The following ARHGAP1 variants were observed in gnomAD, a reference collection of about 807,000 sequenced individuals.
The protein encoded by ARHGAP1 is rho GTPase-activating protein 1.
ARHGAP1 carries 23 observed loss-of-function variants against 52.2 expected under a neutral mutation model. That is an observed-to-expected ratio of 0.44 (90% CI 0.32 to 0.62). The LOEUF is 0.62. ARHGAP1 is among the 20% of genes least tolerant of loss of function. ARHGAP1 has a pLI of 0.05. For synonymous variants in ARHGAP1, 210 were observed against 228.4 expected, an observed-to-expected ratio of 0.92 and a Z score of 0.73; for missense variants, 480 against 560.9, an observed-to-expected ratio of 0.86 and a Z score of 1.46.
rs200224571 is a variant in ARHGAP1 at position 46,680,709 on chromosome 11, G to T, written c.674C>A (p.Ala225Glu). The part of the protein sequence containing the change: ...DFLKSTQKSP[A>E]TAPKPMPPRP... ...TGGGGGCATGGGCTTGGGGGCTGTCGCGGGGCTCTTCTGTGTGGATTTCAG... is the reference window on the plus strand; with the variant it reads ...TGGGGGCATGGGCTTGGGGGCTGTCTCGGGGCTCTTCTGTGTGGATTTCAG... Residue 225 changes from alanine to glutamate, a missense_variant, in exon 8 of 13, where the codon GCG (alanine) becomes GAG (glutamate). Coordinates refer to ENST00000311956, the MANE Select transcript of ARHGAP1 (RefSeq NM_004308.5). This position sits in a 1 kb window ranked among gnomAD's most constrained non-coding sequence, Gnocchi z 5.9. 4 of 1,580,032 alleles carry T rather than the reference G, an allele frequency of 2.5e-6. No individual in the cohort carries two copies. Among genetic ancestry groups the T allele is most frequent in the Non-Finnish European group, 3.4e-6 (4 of 1,162,960 alleles).
At chr11:46,687,316 G>T (rs1458005630) in intron 4 of ARHGAP1, 1 of 152,286 alleles carries the variant, frequency 6.6e-6, no homozygotes, top group Non-Finnish European at 1.5e-5. Context: ...GCCCTGGCTT[G>T]CCAGGACTGG....
intron 3 of ARHGAP1, among the ~76,000 whole-genome samples, chr11:46,688,473 T>TAA (rs1035164375): frequency 6.6e-6 from 1 of 150,596 alleles, no homozygotes; most frequent in Non-Finnish European, 1.5e-5. Context: ...GCTGGGGTAT[T>TAA]AAAAAAAAAG....
intron 4 of ARHGAP1, among the ~76,000 whole-genome samples, chr11:46,683,584 T>C (rs1250499019): frequency 6.6e-6 from 1 of 151,520 alleles, no homozygotes. Context: ...ACACTGAGAG[T>C]TATGGATGGA....
chr11:46,698,022 A>G (rs1036945265), intron 1 of ARHGAP1, among the ~76,000 whole-genome samples: 41 of 152,250 alleles, frequency 2.7e-4, no homozygotes, highest in African/African-American at 8.7e-4. Flanking sequence ...TACCCTTTCT[A>G]TTCAGCCTGT....
chr11:46,692,713 A>T (rs1268703053), intron 3 of ARHGAP1, among the ~76,000 whole-genome samples: 4 of 151,894 alleles, frequency 2.6e-5, no homozygotes, highest in African/African-American at 4.8e-5. Context: ...TTTTTGAGAC[A>T]GTCTCGCTCT....
In ARHGAP1 at chr11:46,687,687, C is replaced by T. The variant is rs56164188; in HGVS notation, c.317+486G>A. ...AGACATGAATCAGGACATGTCTGGA[C>T]CGGCCAGAGCTATTACATATGTTTG... On this transcript the variant is annotated intron_variant, in intron 4 of 12. Coordinates refer to ENST00000311956, the MANE Select transcript of ARHGAP1 (RefSeq NM_004308.5). The T allele has an allele frequency of 3.8e-3, 583 of 154,088 alleles. 3 individuals are homozygous for T. Among genetic ancestry groups the T allele is most frequent in the Non-Finnish European group, 6.1e-3 (424 of 69,274 alleles). The allele number at this position is 154,088 out of a possible 1,614,324, so 9.5% of individuals were successfully genotyped here.
rs1399943428 is a variant in ARHGAP1 at position 46,681,567 on chromosome 11, AG to A, written c.450-189del. 7 of 547,292 alleles carry A rather than the reference AG, an allele frequency of 1.3e-5. No homozygotes were observed. The highest frequency in any genetic ancestry group is 3.2e-5 in the Admixed American group (1 of 31,650). 33.9% of individuals were successfully genotyped at this position (547,292 alleles called of 1,614,324 possible). On this transcript the variant is annotated intron_variant, in intron 5 of 12. Transcript: ENST00000311956. The surrounding 1 kb of genome is among the most constrained non-coding windows in gnomAD (Gnocchi z 5.7). ...TCCTGCCTCAGCCTCCTGAGTAACT[AG>A]GATTACAGGCACCCACCACCACACC...
rs560291112 is a variant in ARHGAP1 at position 46,696,562 on chromosome 11, A to T, written c.-49-406T>A. On this transcript the variant is annotated intron_variant, in intron 1 of 12. Transcript: ENST00000311956. The surrounding 1 kb of genome is among the most constrained non-coding windows in gnomAD (Gnocchi z 4.8). ...CAGGCTCTAGCAGTTACAGGGGTAG[A>T]AATGTTGTAAGAATCTAAGGAACAT... Among the ~76,000 whole-genome samples, 12 of 152,350 alleles carry T rather than the reference A, an allele frequency of 7.9e-5. No homozygotes were observed. The South Asian group carries it at 2.5e-3, about 32-fold the overall frequency.
chr11:46,696,012 G>A lies in ARHGAP1; in HGVS notation c.96C>T (p.Asn32=). ...AGTCAGGCATTTCATCCGAGGGCCA[G>A]TTCTTCTCATCGATGGAGGCCAGCT... The part of the protein sequence containing the change: ...QLKLASIDEK[N]WPSDEMPDFP... Residue 32 remains asparagine (N), a synonymous_variant, in exon 2 of 13, where the codon AAC becomes AAT. Coordinates refer to ENST00000311956, the MANE Select transcript of ARHGAP1 (RefSeq NM_004308.5). This position sits in a 1 kb window ranked among gnomAD's most constrained non-coding sequence, Gnocchi z 4.8. 1 of 1,614,222 alleles carries A rather than the reference G, an allele frequency of 6.2e-7. No homozygotes were observed. Among genetic ancestry groups the A allele is most frequent in the Middle Eastern group, 1.6e-4 (1 of 6,062 alleles).
chr11:46,682,175 TC>T lies in ARHGAP1; in HGVS notation c.324del (p.Lys109SerfsTer21). 6.2e-7 allele frequency: 1 copy of T among 1,614,016 alleles called. No individual in the cohort carries two copies. Among genetic ancestry groups the T allele is most frequent in the Non-Finnish European group, 8.5e-7 (1 of 1,179,956 alleles). On this transcript the variant is annotated frameshift_variant, in exon 5 of 13. Transcript: ENST00000311956. LOFTEE classifies it high-confidence loss of function. Reference sequence around the variant, plus strand: ...TCCACGTACTGGTCCAGGGTGTGCTTCAGGTACCTTCCAGGGAAAAGCCCTG... The same window carrying T: ...TCCACGTACTGGTCCAGGGTGTGCTTAGGTACCTTCCAGGGAAAAGCCCTG... ...QLDHSKLLGY[L>X]KHTLDQYVES...
chr11:46,677,959 AGGT>A lies in ARHGAP1; in HGVS notation c.*1075_*1077del. 2.3e-6 allele frequency: 1 copy of A among 440,008 alleles called. No individual in the cohort carries two copies. The highest frequency in any genetic ancestry group is 4.5e-6 in the Non-Finnish European group (1 of 222,138). The allele number at this position is 440,008 out of a possible 1,614,324, so 27.3% of individuals were successfully genotyped here. A position where few individuals can be genotyped will look rare whatever the true frequency, so the allele number is the denominator to read the frequency against. On this transcript the variant is annotated 3_prime_UTR_variant, in exon 13 of 13. Coordinates refer to ENST00000311956, the MANE Select transcript of ARHGAP1 (RefSeq NM_004308.5). ...CTCCATCTCAGAAAAAAAAAAAAAA[AGGT>A]GGCCCTAGAGCCCCTTAATCCCCTG...
At chr11:46,686,381 G>A (rs2064568648) in intron 4 of ARHGAP1, among the ~76,000 whole-genome samples, 1 of 152,146 alleles carries the variant, frequency 6.6e-6, no homozygotes, top group African/African-American at 2.4e-5. Flanking sequence ...GTGCAGAGCT[G>A]AAGTTGAATG....
intron 3 of ARHGAP1, among the ~76,000 whole-genome samples, chr11:46,690,516 A>G (rs2064604118): frequency 6.6e-6 from 1 of 152,076 alleles, no homozygotes; most frequent in Non-Finnish European, 1.5e-5. Flanking sequence ...ACAGGTGTGC[A>G]CCACTGCACC....
chr11:46,681,206 G>A lies in ARHGAP1; in HGVS notation c.536+87C>T, dbSNP rs540436812. On this transcript the variant is annotated intron_variant, in intron 6 of 12. Transcript: ENST00000311956. The surrounding 1 kb of genome is among the most constrained non-coding windows in gnomAD (Gnocchi z 5.7). ...ACCCAGTTCAGACGGAAGCCCAGCC[G>A]CACCTGGTGGTCCCCAGGCTGCCCA... The A allele has an allele frequency of 5.8e-4, 888 of 1,533,730 alleles. 1 individual carries two copies. Among genetic ancestry groups the A allele is most frequent in the Non-Finnish European group, 7.5e-4 (830 of 1,107,592 alleles).
chr11:46,685,447 C>T (rs1001008040), intron 4 of ARHGAP1, among the ~76,000 whole-genome samples: 3 of 151,486 alleles, frequency 2.0e-5, no homozygotes, highest in Admixed American at 2.0e-4. Context: ...CCAGCCTCAG[C>T]CTCCTAAGTA....
chr11:46,684,599 T>C (rs1443864947), intron 4 of ARHGAP1, among the ~76,000 whole-genome samples: 6 of 152,218 alleles, frequency 3.9e-5, no homozygotes, highest in African/African-American at 1.4e-4. Context: ...AGAATGAATC[T>C]GTGAAGTCAG....
rs1392193945 is a variant in ARHGAP1, at chr11:46,678,202, T to G, written c.*835A>C. 1 of 189,414 alleles carries G rather than the reference T, an allele frequency of 5.3e-6. No homozygotes were observed. The highest frequency in any genetic ancestry group is 1.9e-4 in the East Asian group (1 of 5,356). The allele number at this position is 189,414 out of a possible 1,614,324, so 11.7% of individuals were successfully genotyped here. A position where few individuals can be genotyped will look rare whatever the true frequency, so the allele number is the denominator to read the frequency against. On this transcript the variant is annotated 3_prime_UTR_variant, in exon 13 of 13. Transcript: ENST00000311956. The stretch of plus-strand genomic sequence containing the variant: ...TCCACAAGAACATGAAGGCTGATGA[T>G]CTGCCCGTGTGGGAAAGGAGGCCAA...
At chr11:46,690,573 T>G (rs78301405) in intron 3 of ARHGAP1, among the ~76,000 whole-genome samples, 2,903 of 152,258 alleles carry the variant, frequency 0.019, 36 homozygotes, top group Middle Eastern at 0.044. Flanking sequence ...GATTGACTTC[T>G]GTAGGTTTCT....
chr11:46,683,006 C>T (rs1485781772), intron 4 of ARHGAP1, among the ~76,000 whole-genome samples: 1 of 149,384 alleles, frequency 6.7e-6, no homozygotes, highest in African/African-American at 2.5e-5. Context: ...GTGGTAGATC[C>T]TGGAAGTGAA....
Sources: gnomAD v4.1 joint callset for allele counts (sites outside exome capture counted in the v4.1 genomes callset) on GRCh38, gnomAD v4.1.1 for gene constraint, Gnocchi (gnomAD v3.1) non-coding constraint, MANE v1.5 for transcripts, NCBI Gene and HGNC (gene_info 2026-07-23, HGNC 2026-07-21) for gene names.